The following SORBS3 variants were observed in gnomAD, a reference collection of about 807,000 sequenced individuals.
SORBS3 encodes sorbin and SH3 domain containing 3.
SORBS3 carries 69 observed loss-of-function variants against 98.0 expected under a neutral mutation model. The observed-to-expected ratio is 0.70, with a 90% CI of 0.58 to 0.86. The LOEUF is 0.86. SORBS3 is among the 40% of genes least tolerant of loss of function. SORBS3 has a pLI of 0.00. For missense variants in SORBS3, 954 were observed against 908.5 expected (o/e 1.05, Z -0.64); for synonymous variants, 394 against 355.4 (o/e 1.11, Z -1.22).
Position 22,554,891 on chromosome 8 carries a change from A to C in SORBS3, c.131A>C (p.Asn44Thr), listed in dbSNP as rs375765857. ...CCCGTGATCCGGAATGGTGGCTCCA[A>C]CACCCTTAATTTCCAGTTCCACGAC... ...RVPVIRNGGS[N>T]TLNFQFHDPA... Residue 44 changes from asparagine (N) to threonine (T), a missense_variant, in exon 3 of 21, where the codon AAC (asparagine) becomes ACC (threonine). Transcript: ENST00000240123. This position sits in a 1 kb window ranked among gnomAD's most constrained non-coding sequence, Gnocchi z 6.5. 10 of 1,613,382 alleles carry C rather than the reference A, an allele frequency of 6.2e-6. No individual in the cohort carries two copies. The highest frequency in any genetic ancestry group is 1.7e-5 in the Admixed American group (1 of 59,978).
At position 22,564,368 on chromosome 8, in the gene SORBS3, G is replaced by A. The variant is rs1188104785; in HGVS notation, c.761G>A (p.Arg254Lys). The change falls in exon 9 of 21, where the codon AGG (arginine) becomes AAG (lysine). Residue 254 changes from arginine (R) to lysine (K), a missense_variant and splice_region_variant. Transcript: ENST00000240123. ...CTGCAGGAACTAGAGACTGGGCAGA[G>A]GGTGAGTGCTGGCTGGCTCTCGGGG... ...QFLQELETGQ[R>K]PKKPLVDDPG... The A allele has an allele frequency of 6.2e-7, 1 of 1,614,086 alleles. No individual in the cohort carries two copies. The highest frequency in any genetic ancestry group is 1.1e-5 in the South Asian group (1 of 91,080).
intron 16 of SORBS3, 34 bp from the exon 17 acceptor site, chr8:22,569,114 G>A: frequency 6.3e-7 from 1 of 1,592,078 alleles, no homozygotes; most frequent in Non-Finnish European, 8.6e-7. Context: ...TTGATGCCCA[G>A]GCCAAATCTT....
At chr8:22,566,601 G>A (rs1840428129) in intron 13 of SORBS3, 60 bp from the exon 14 acceptor site, 2 of 1,580,340 alleles carry the variant, frequency 1.3e-6, no homozygotes, top group African/African-American at 2.7e-5. Context: ...GCCCTAGGTG[G>A]GGGTGCAACC....
At chr8:22,566,070 C>T (rs942535352) in intron 12 of SORBS3, 198 bp downstream of exon 12, 4 of 560,928 alleles carry the variant, frequency 7.1e-6, no homozygotes, top group Non-Finnish European at 1.1e-5. Context: ...GCAGCTAACT[C>T]CTAGCAGAGG....
rs745935025 is a variant in SORBS3, at chr8:22,567,139, C to A, written c.1269C>A (p.His423Gln). ...VDKNWLEGEH[H>Q]GRLGIFPANY... is the part of the protein sequence containing the mutation. ...AGAACTGGCTGGAGGGAGAGCACCA[C>A]GGCCGCCTGGGCATCTTCCCTGCTA... Residue 423 changes from histidine to glutamine, a missense_variant, in exon 16 of 21, where the codon CAC becomes CAA. By Grantham distance (24) the His-to-Gln change is conservative (BLOSUM62 0). Coordinates refer to ENST00000240123, the MANE Select transcript of SORBS3 (RefSeq NM_005775.5). 1 of 1,611,882 alleles carries A rather than the reference C, an allele frequency of 6.2e-7. No individual in the cohort carries two copies. Among genetic ancestry groups the A allele is most frequent in the Non-Finnish European group, 8.5e-7 (1 of 1,178,712 alleles).
chr8:22,561,508 C>A (rs1333893393), intron 6 of SORBS3, 135 bp downstream of exon 6: 2 of 931,462 alleles, frequency 2.1e-6, no homozygotes, highest in Non-Finnish European at 3.4e-6. Context: ...GTTTTTATAG[C>A]TCATTTCCAG....
chr8:22,561,231 GCC>G (rs763629197), intron 5 of SORBS3, 102 bp from the exon 6 acceptor site: 87 of 1,122,368 alleles, frequency 7.8e-5, no homozygotes, highest in Non-Finnish European at 1.1e-4. Flanking sequence ...TCAGCCCTCA[GCC>G]CCCTACTCTA....
At chr8:22,574,606 A>C (rs1195990371) in intron 20 of SORBS3, 61 bp from the exon 21 acceptor site, 1 of 1,518,942 alleles carries the variant, frequency 6.6e-7, no homozygotes, top group African/African-American at 1.4e-5. Context: ...GCAGGCCCTC[A>C]CCCCTGCATC....
At position 22,554,407 on chromosome 8, in the gene SORBS3, A is replaced by T; in HGVS notation, c.-55-45A>T. On this transcript the variant is annotated intron_variant, in intron 1 of 20. Coordinates refer to ENST00000240123, the MANE Select transcript of SORBS3 (RefSeq NM_005775.5). The surrounding 1 kb of genome is among the most constrained non-coding windows in gnomAD (Gnocchi z 6.5). ...AGGGTCGAGCCAAGAGGGCATGGGCAGCCTAGCCTAGCAGGGCTTTCCCTT... is the reference window on the plus strand; with the variant it reads ...AGGGTCGAGCCAAGAGGGCATGGGCTGCCTAGCCTAGCAGGGCTTTCCCTT... The T allele has an allele frequency of 6.6e-7, 1 of 1,513,364 alleles. No individual in the cohort carries two copies. The highest frequency in any genetic ancestry group is 8.8e-7 in the Non-Finnish European group (1 of 1,138,188). The allele number at this position is 1,513,364 out of a possible 1,614,324, so 93.7% of individuals were successfully genotyped here.
chr8:22,548,541 G>A (rs2117186399), upstream of SORBS3, among the ~76,000 whole-genome samples: 1 of 152,282 alleles, frequency 6.6e-6, no homozygotes, highest in South Asian at 2.1e-4. Context: ...AGAATTCTGA[G>A]AGCAAAACCC....
chr8:22,564,261 A>ACACC (rs781385126), intron 8 of SORBS3, 22 bp from the exon 9 acceptor site: 2 of 1,568,398 alleles, frequency 1.3e-6, no homozygotes, highest in Admixed American at 1.9e-5. Flanking sequence ...TCACAAGCTG[A>ACACC]CACCCACCCA....
chr8:22,574,100 C>G (rs900717663), intron 20 of SORBS3, among the ~76,000 whole-genome samples: 6 of 152,192 alleles, frequency 3.9e-5, no homozygotes, highest in Non-Finnish European at 7.3e-5. Context: ...CGAAGGAAAG[C>G]AGCCAACAGA....
At chr8:22,548,680 T>C (rs1840041602), upstream of SORBS3, among the ~76,000 whole-genome samples, 1 of 152,082 alleles carries the variant, frequency 6.6e-6, no homozygotes, top group African/African-American at 2.4e-5. Context: ...CCAGGGTAGA[T>C]CTCAGAGGGT....
rs373002543 is a variant in SORBS3, at chr8:22,564,529, C to T, written c.816+8C>T. ...CCCTCCCAGCCCATTGAGGTGAGTG[C>T]TGCAGGGTGCTGGGGACAGCAGCCT... On this transcript the variant is annotated splice_region_variant and intron_variant, in intron 10 of 20. Transcript: ENST00000240123. 1 of 1,613,996 alleles carries T rather than the reference C, an allele frequency of 6.2e-7. No homozygotes were observed. The highest frequency in any genetic ancestry group is 1.1e-5 in the South Asian group (1 of 91,080).
chr8:22,565,127 C>T, intron 10 of SORBS3, 141 bp from the exon 11 acceptor site: 1 of 1,465,518 alleles, frequency 6.8e-7, no homozygotes, highest in Non-Finnish European at 9.1e-7. Flanking sequence ...CACCTCCTGG[C>T]AGGAGCCCGG....
intron 12 of SORBS3, 173 bp downstream of exon 12, chr8:22,566,045 C>A: frequency 1.8e-6 from 1 of 569,296 alleles, no homozygotes; most frequent in Non-Finnish European, 2.6e-6. Flanking sequence ...GGGCGCCGTT[C>A]CCGCGCCACC....
At chr8:22,568,306 T>C (rs1444688312) in intron 16 of SORBS3, among the ~76,000 whole-genome samples, 5 of 152,246 alleles carry the variant, frequency 3.3e-5, no homozygotes, top group Non-Finnish European at 5.9e-5. Flanking sequence ...TTGCTTATTG[T>C]TGCTTGCTTT....
rs758584416 is a variant in SORBS3 at position 22,569,137 on chromosome 8, T to C, written c.1306-11T>C. 6.3e-7 allele frequency: 1 copy of C among 1,599,720 alleles called. No individual in the cohort carries two copies. The highest frequency in any genetic ancestry group is 1.1e-5 in the South Asian group (1 of 88,988). On this transcript the variant is annotated splice_polypyrimidine_tract_variant and intron_variant, in intron 16 of 20. Transcript: ENST00000240123. ...CAGGCCAAATCTTTCTCATGACCTT[T>C]CTTCATGCAGGTGCTGCCCGCAGAT...
Position 22,551,941 on chromosome 8 carries a change from G to A in SORBS3, c.-137G>A. 1 of 985,324 alleles carries A rather than the reference G, an allele frequency of 1.0e-6. No individual in the cohort carries two copies. Among genetic ancestry groups the A allele is most frequent in the Non-Finnish European group, 1.2e-6 (1 of 829,928 alleles). The allele number at this position is 985,324 out of a possible 1,614,324, so 61.0% of individuals were successfully genotyped here. A position where few individuals can be genotyped will look rare whatever the true frequency, so the allele number is the denominator to read the frequency against. On this transcript the variant is annotated 5_prime_UTR_variant, in exon 1 of 21. Coordinates refer to ENST00000240123, the MANE Select transcript of SORBS3 (RefSeq NM_005775.5). This position sits in a 1 kb window ranked among gnomAD's most constrained non-coding sequence, Gnocchi z 5.8. The stretch of plus-strand genomic sequence containing the variant: ...TTCTCCTTGCCCTTCCTCCTCGAGC[G>A]CCCGCGCCAGGCAGCAGCCGGGCAG...
Sources: gnomAD v4.1 joint callset for allele counts (sites outside exome capture counted in the v4.1 genomes callset) on GRCh38, gnomAD v4.1.1 for gene constraint, Gnocchi (gnomAD v3.1) non-coding constraint, MANE v1.5 for transcripts, NCBI Gene and HGNC (gene_info 2026-07-23, HGNC 2026-07-21) for gene names.